EXD3: variants seen among roughly 807,000 people sequenced by gnomAD.
EXD3 encodes exonuclease mut-7 homolog.
In EXD3, 92 loss-of-function variants were observed where a neutral mutation model predicts 98.0. That is an observed-to-expected ratio of 0.94 (90% CI 0.79 to 1.12). The LOEUF (loss-of-function observed/expected upper bound fraction) is 1.12, where lower values mean the gene tolerates loss of function less well. EXD3 is among the 50% of genes most tolerant of loss of function. The probability of loss-of-function intolerance (pLI) is 0.00; values close to 1 mark genes in which losing one functional copy is unlikely to be tolerated. For synonymous variants in EXD3, 569 were observed against 526.0 expected, an observed-to-expected ratio of 1.08 and a Z score of -1.12; for missense variants, 1,222 against 1,191.6, an observed-to-expected ratio of 1.03 and a Z score of -0.38.
chr9:137,411,400 G>A (rs1443120413), intron 1 of EXD3, among the ~76,000 whole-genome samples: 4 of 152,002 alleles, frequency 2.6e-5, no homozygotes, highest in Non-Finnish European at 5.9e-5. Flanking sequence ...TTTCCTGGGA[G>A]GCCTGGCCAG....
At chr9:137,398,517 A>ATGTCCCCAAGACACACAGGCAACCG (rs1564208307) in intron 1 of EXD3, among the ~76,000 whole-genome samples, 3 of 150,628 alleles carry the variant, frequency 2.0e-5, no homozygotes, top group Admixed American at 6.6e-5. Flanking sequence ...ATGTGCACCC[A>ATGTCCCCAAGACACACAGGCAACCG]TGTCCCCAAG....
intron 19 of EXD3, among the ~76,000 whole-genome samples, chr9:137,318,790 G>A (rs1328941249): frequency 6.6e-6 from 1 of 152,168 alleles, no homozygotes; most frequent in Non-Finnish European, 1.5e-5. Context: ...CAACCCCAGC[G>A]CCCAGGAGTC....
chr9:137,347,740 G>A lies in EXD3; in HGVS notation c.1998+331C>T, dbSNP rs1218957895. Among the ~76,000 whole-genome samples, 4 of 152,108 alleles carry A rather than the reference G, an allele frequency of 2.6e-5. No homozygotes were observed. The highest frequency in any genetic ancestry group is 2.1e-4 in the South Asian group (1 of 4,814). On this transcript the variant is annotated intron_variant, in intron 17 of 21. Coordinates refer to ENST00000340951, the MANE Select transcript of EXD3 (RefSeq NM_017820.5). The surrounding 1 kb of genome is among the most constrained non-coding windows in gnomAD (Gnocchi z 4.2). The stretch of plus-strand genomic sequence containing the variant: ...ATTATAGGCATGAGCCACTGCGTCC[G>A]GCCCCATTTCTGCTTTTAAGGGCTC...
chr9:137,377,587 G>T (rs952420119), intron 3 of EXD3, among the ~76,000 whole-genome samples: 5 of 150,536 alleles, frequency 3.3e-5, no homozygotes, highest in African/African-American at 1.2e-4. Context: ...CAGACGTGCT[G>T]ATGCGCACCT....
chr9:137,332,222 C>A (rs7865811), intron 17 of EXD3, among the ~76,000 whole-genome samples: 22,095 of 152,094 alleles, frequency 0.15, 2,354 homozygotes, highest in African/African-American at 0.3. Context: ...TTTTTCACAG[C>A]ATTAGAAAAA....
intron 17 of EXD3, among the ~76,000 whole-genome samples, chr9:137,340,724 T>G (rs1833606466): frequency 6.6e-6 from 1 of 151,958 alleles, no homozygotes; most frequent in African/African-American, 2.4e-5. Flanking sequence ...CTCGCTATGT[T>G]ACCAGGCTGG....
intron 17 of EXD3, among the ~76,000 whole-genome samples, chr9:137,337,776 A>G (rs1419878874): frequency 4.6e-5 from 7 of 151,482 alleles, no homozygotes; most frequent in Non-Finnish European, 7.4e-5. Flanking sequence ...GGAAGGGAAT[A>G]CCATGTATCT....
rs1384505698 is a variant in EXD3, at chr9:137,385,888, G to A, written c.56-2511C>T. On this transcript the variant is annotated intron_variant, in intron 2 of 21. Coordinates refer to ENST00000340951, the MANE Select transcript of EXD3 (RefSeq NM_017820.5). This position sits in a 1 kb window ranked among gnomAD's most constrained non-coding sequence, Gnocchi z 4.4. ...TGCGTGAGATGAGAAGGTTCTGCAG[G>A]TGGACGGTGGTGGCAGCTGTGCAGC... Among the ~76,000 whole-genome samples, 3 of 152,176 alleles carry A rather than the reference G, an allele frequency of 2.0e-5. No homozygotes were observed. Among genetic ancestry groups the A allele is most frequent in the South Asian group, 2.1e-4 (1 of 4,772 alleles).
chr9:137,383,220 T>C (rs1836407042), intron 3 of EXD3, 93 bp downstream of exon 3: 2 of 1,085,594 alleles, frequency 1.8e-6, no homozygotes, highest in Middle Eastern at 2.0e-4. Context: ...TGCAGCTTCC[T>C]GACCAGGGAG....
intron 8 of EXD3, among the ~76,000 whole-genome samples, chr9:137,355,848 C>T (rs1834753173): frequency 6.6e-6 from 1 of 152,176 alleles, no homozygotes; most frequent in Admixed American, 6.6e-5. Context: ...CTTCCCGGCC[C>T]TTGCAGGGGG....
At chr9:137,367,692 C>T in intron 6 of EXD3, 1 of 483,044 alleles carries the variant, frequency 2.1e-6, no homozygotes, top group South Asian at 2.3e-5. Flanking sequence ...GCACGGAGCA[C>T]ACTCAGGGCT....
chr9:137,378,376 T>C (rs530449385), intron 3 of EXD3, among the ~76,000 whole-genome samples: 23 of 152,122 alleles, frequency 1.5e-4, no homozygotes, highest in African/African-American at 5.5e-4. Context: ...GCTCGGCTAA[T>C]TGTTGTATTT....
rs1216266369 is a variant in EXD3, at chr9:137,306,990, T to C, written c.2591A>G (p.Glu864Gly). The C allele has an allele frequency of 6.2e-7, 1 of 1,604,604 alleles. No homozygotes were observed. Among genetic ancestry groups the C allele is most frequent in the South Asian group, 1.1e-5 (1 of 90,358 alleles). Reference sequence around the variant, plus strand: ...GGCCGGGCTGGGGGCTGGGCTCGGCTCGCAGGGGCTGGGGGCGCTCTCCAG... The same window carrying C: ...GGCCGGGCTGGGGGCTGGGCTCGGCCCGCAGGGGCTGGGGGCGCTCTCCAG... ...DMLESAPSPC[E>G]PSPAPSPASS... Residue 864 changes from glutamate (E) to glycine (G), a missense_variant, in exon 22 of 22, where the codon GAG becomes GGG. Physicochemically the swap from Glu to Gly is moderately conservative, Grantham distance 98. Coordinates refer to ENST00000340951, the MANE Select transcript of EXD3 (RefSeq NM_017820.5).
At chr9:137,413,127 A>C (rs1838077506) in intron 1 of EXD3, among the ~76,000 whole-genome samples, 1 of 152,008 alleles carries the variant, frequency 6.6e-6, no homozygotes, top group Non-Finnish European at 1.5e-5. Context: ...CATACCATAA[A>C]ATTTACCCTC....
chr9:137,348,847 C>T (rs1834095487), intron 16 of EXD3, among the ~76,000 whole-genome samples: 1 of 150,332 alleles, frequency 6.7e-6, no homozygotes. Flanking sequence ...ATGGGAGGGG[C>T]CTGCCAGGCC....
At chr9:137,361,978 C>T (rs547435304) in intron 7 of EXD3, among the ~76,000 whole-genome samples, 8 of 152,138 alleles carry the variant, frequency 5.3e-5, no homozygotes, top group African/African-American at 1.9e-4. Flanking sequence ...AGTTTGACAA[C>T]TTAGATAAAA....
chr9:137,343,955 G>A (rs1206605199), intron 17 of EXD3, among the ~76,000 whole-genome samples: 4 of 118,886 alleles, frequency 3.4e-5, no homozygotes, highest in East Asian at 5.3e-4. Context: ...GCAGTGGCAC[G>A]ATCTCGGCTC....
intron 17 of EXD3, chr9:137,345,910 A>G (rs1833904387): frequency 6.6e-6 from 1 of 152,122 alleles, no homozygotes; most frequent in African/African-American, 2.4e-5. Flanking sequence ...GGGTGAAAAT[A>G]AAGCTGTACT....
At chr9:137,317,992 C>T (rs1349306043) in intron 19 of EXD3, among the ~76,000 whole-genome samples, 1 of 152,104 alleles carries the variant, frequency 6.6e-6, no homozygotes, top group Non-Finnish European at 1.5e-5. Flanking sequence ...GGGGTGGGGT[C>T]TGTGGCCGCT....
Sources: gnomAD v4.1 joint callset for allele counts (sites outside exome capture counted in the v4.1 genomes callset) on GRCh38, gnomAD v4.1.1 for gene constraint, Gnocchi (gnomAD v3.1) non-coding constraint, MANE v1.5 for transcripts, NCBI Gene and HGNC (gene_info 2026-07-23, HGNC 2026-07-21) for gene names.